The following FLT1 variants were observed in gnomAD, a reference collection of about 807,000 sequenced individuals.
FLT1 encodes fms related receptor tyrosine kinase 1, also known as vascular endothelial growth factor receptor 1.
In FLT1, 49 loss-of-function variants were observed where a neutral mutation model predicts 156.3. The observed-to-expected ratio is 0.31, with a 90% CI of 0.25 to 0.40. The LOEUF is 0.40. Among genes scored for constraint, FLT1 ranks in the 10% least tolerant of loss-of-function variants. The probability of loss-of-function intolerance (pLI) is 1.00; values close to 1 mark genes in which losing one functional copy is unlikely to be tolerated. For synonymous variants in FLT1, 594 were observed against 583.8 expected (o/e 1.02, Z -0.25); for missense variants, 1,322 against 1,637.2 (o/e 0.81, Z 3.32).
At chr13:28,450,043 A>T (rs1878845015) in intron 3 of FLT1, among the ~76,000 whole-genome samples, 1 of 152,186 alleles carries the variant, frequency 6.6e-6, no homozygotes, top group South Asian at 2.1e-4. Context: ...AGGCGGACAC[A>T]TGGCACACTG....
At chr13:28,397,991 TA>T (rs781519779) in intron 11 of FLT1, among the ~76,000 whole-genome samples, 8 of 152,044 alleles carry the variant, frequency 5.3e-5, no homozygotes, top group Non-Finnish European at 1.2e-4. Flanking sequence ...GTCTAAAAAG[TA>T]ATGAAACAAA....
At chr13:28,447,334 A>T in intron 3 of FLT1, among the ~76,000 whole-genome samples, 1 of 149,768 alleles carries the variant, frequency 6.7e-6, no homozygotes, top group Non-Finnish European at 1.5e-5. Context: ...ATGTGCCACC[A>T]CACCCAGCTA....
At chr13:28,407,589 G>A (rs1875889801) in intron 10 of FLT1, among the ~76,000 whole-genome samples, 1 of 152,096 alleles carries the variant, frequency 6.6e-6, no homozygotes, top group Non-Finnish European at 1.5e-5. Flanking sequence ...GGTGGTGTTT[G>A]CACCTAAACC....
chr13:28,407,985 G>A (rs927690314), intron 10 of FLT1, among the ~76,000 whole-genome samples: 7 of 152,120 alleles, frequency 4.6e-5, no homozygotes, highest in Non-Finnish European at 8.8e-5. Flanking sequence ...TTACAGGTAT[G>A]AGTGTATATA....
chr13:28,449,866 A>G (rs554604579), intron 3 of FLT1, among the ~76,000 whole-genome samples: 1 of 152,336 alleles, frequency 6.6e-6, no homozygotes, highest in African/African-American at 2.4e-5. Flanking sequence ...CAGATCGAAC[A>G]GCAAGAGCAG....
intron 28 of FLT1, 146 bp from the exon 29 acceptor site, chr13:28,306,918 C>T: frequency 1.5e-6 from 1 of 678,688 alleles, no homozygotes; most frequent in Admixed American, 2.1e-5. Flanking sequence ...AAGCATTTCT[C>T]TAAGTTGGCC....
chr13:28,491,320 T>G (rs1881460990), intron 1 of FLT1, among the ~76,000 whole-genome samples: 1 of 152,234 alleles, frequency 6.6e-6, no homozygotes. Context: ...TTAGTATCCC[T>G]GTTAAAATCT....
At chr13:28,385,416 T>C (rs1874300730) in intron 13 of FLT1, 1 of 685,722 alleles carries the variant, frequency 1.5e-6, no homozygotes, top group Non-Finnish European at 1.9e-6. Flanking sequence ...GATTTTTATA[T>C]AAATATATAG....
intron 28 of FLT1, among the ~76,000 whole-genome samples, chr13:28,307,844 TC>T (rs1870817530): frequency 6.6e-6 from 1 of 151,912 alleles, no homozygotes; most frequent in Non-Finnish European, 1.5e-5. Context: ...CGATCTCGGC[TC>T]ACTGCAACCT....
intron 11 of FLT1, among the ~76,000 whole-genome samples, chr13:28,400,624 G>T (rs1875372834): frequency 6.6e-6 from 1 of 152,120 alleles, no homozygotes; most frequent in Admixed American, 6.5e-5. Flanking sequence ...CAATGTCTGA[G>T]TCTTCTGAAT....
At chr13:28,492,693 C>T (rs545754230) in intron 1 of FLT1, among the ~76,000 whole-genome samples, 1 of 152,304 alleles carries the variant, frequency 6.6e-6, no homozygotes, top group East Asian at 1.9e-4. Context: ...ACCGTGGCTT[C>T]TTACTAGACA....
At chr13:28,391,985 T>C (rs1388983113) in intron 12 of FLT1, among the ~76,000 whole-genome samples, 2 of 152,246 alleles carry the variant, frequency 1.3e-5, no homozygotes, top group African/African-American at 2.4e-5. Context: ...AAAAGCATTA[T>C]GTTATGCTAT....
intron 1 of FLT1, among the ~76,000 whole-genome samples, chr13:28,486,200 C>A (rs949526676): frequency 1.3e-5 from 2 of 152,210 alleles, no homozygotes; most frequent in African/African-American, 4.8e-5. Context: ...TGGATGCCCC[C>A]AGGAAGGGGG....
chr13:28,388,329 A>T, intron 13 of FLT1: 2 of 1,058,382 alleles, frequency 1.9e-6, no homozygotes, highest in Non-Finnish European at 2.3e-6. Flanking sequence ...CGTGGGACAG[A>T]ATCTGTTACC....
At chr13:28,383,852 A>C (rs1486766780) in intron 14 of FLT1, among the ~76,000 whole-genome samples, 4 of 152,048 alleles carry the variant, frequency 2.6e-5, no homozygotes, top group African/African-American at 7.2e-5. Flanking sequence ...AACAAACAAA[A>C]AAAGTAACCT....
chr13:28,426,505 G>C (rs1276481353), intron 10 of FLT1, among the ~76,000 whole-genome samples: 1 of 152,176 alleles, frequency 6.6e-6, no homozygotes, highest in East Asian at 1.9e-4. Context: ...TCTTAGCTTA[G>C]AGAGAGACAA....
chr13:28,364,547 T>C (rs975381472), intron 14 of FLT1, among the ~76,000 whole-genome samples: 2 of 152,194 alleles, frequency 1.3e-5, no homozygotes, highest in East Asian at 1.9e-4. Context: ...ATTTACTATT[T>C]TGTGTTTTCT....
chr13:28,404,041 C>T (rs1236166442), intron 11 of FLT1, among the ~76,000 whole-genome samples: 4 of 42,414 alleles, frequency 9.4e-5, no homozygotes, highest in Admixed American at 6.5e-4. Context: ...GACTCTTTGT[C>T]TCAAAAAAAA....
chr13:28,463,766 T>C (rs1879711676), intron 3 of FLT1, among the ~76,000 whole-genome samples: 1 of 152,140 alleles, frequency 6.6e-6, no homozygotes, highest in Non-Finnish European at 1.5e-5. Context: ...TCGGTAACAA[T>C]GGAAGCAGAA....
Sources: gnomAD v4.1 joint callset for allele counts (sites outside exome capture counted in the v4.1 genomes callset) on GRCh38, gnomAD v4.1.1 for gene constraint, MANE v1.5 for transcripts, NCBI Gene and HGNC (gene_info 2026-07-23, HGNC 2026-07-21) for gene names.